Variants in PTPRN2 observed in about 807,000 individuals in gnomAD.
PTPRN2 encodes the protein receptor-type tyrosine-protein phosphatase N2.
A neutral mutation model predicts 118.8 loss-of-function variants in PTPRN2; 74 were observed. The observed-to-expected ratio is 0.62, with a 90% CI of 0.52 to 0.76. The LOEUF (loss-of-function observed/expected upper bound fraction) is 0.76. PTPRN2 is among the 30% of genes least tolerant of loss of function. The probability of loss-of-function intolerance (pLI) is 0.00; values close to 1 mark genes in which losing one functional copy is unlikely to be tolerated. For synonymous variants in PTPRN2, 641 were observed against 608.0 expected (o/e 1.05, Z -0.80); for missense variants, 1,481 against 1,394.4 (o/e 1.06, Z -0.99).
rs1021372037 is a variant in PTPRN2 at position 157,868,615 on chromosome 7, G to A, written c.1788+30058C>T. 2 of 152,220 alleles carry A rather than the reference G, an allele frequency of 1.3e-5. No individual in the cohort carries two copies. The highest frequency in any genetic ancestry group is 2.9e-5 in the Non-Finnish European group (2 of 68,046). 9.4% of individuals were successfully genotyped at this position (152,220 alleles called of 1,614,324 possible). ...AGGTGCAGCCCATTTCCCAGCCTGA[G>A]GACTGGCCGGGGAAATAACTCTGAG... On this transcript the variant is annotated intron_variant, in intron 12 of 22. Transcript: ENST00000389418. This position sits in a 1 kb window ranked among gnomAD's most constrained non-coding sequence, Gnocchi z 5.2.
At chr7:157,731,276 C>A (rs1436794373) in intron 12 of PTPRN2, among the ~76,000 whole-genome samples, 1 of 152,182 alleles carries the variant, frequency 6.6e-6, no homozygotes, top group Non-Finnish European at 1.5e-5. Context: ...TGAAGGTCTG[C>A]ACCAGGCAGA....
chr7:157,658,568 C>G (rs1056660778), intron 13 of PTPRN2, among the ~76,000 whole-genome samples: 1 of 152,222 alleles, frequency 6.6e-6, no homozygotes, highest in African/African-American at 2.4e-5. Flanking sequence ...AGGCAGGACA[C>G]GGCCACGCAG....
chr7:158,245,511 C>T (rs1307893198), intron 3 of PTPRN2, among the ~76,000 whole-genome samples: 1 of 151,938 alleles, frequency 6.6e-6, no homozygotes, highest in Non-Finnish European at 1.5e-5. Flanking sequence ...TGGCCTGAGT[C>T]AAACCAGGGG....
At chr7:157,685,191 C>T (rs1264907644) in intron 12 of PTPRN2, among the ~76,000 whole-genome samples, 1 of 151,890 alleles carries the variant, frequency 6.6e-6, no homozygotes, top group Admixed American at 6.6e-5. Flanking sequence ...CCCTCCCACC[C>T]CTCATCCCGG....
At position 158,167,154 on chromosome 7, in the gene PTPRN2, G is replaced by A. The variant is rs778919067; in HGVS notation, c.687C>T (p.Leu229=). The change falls in exon 6 of 23, where the codon CTC becomes CTT. Residue 229 remains leucine, a synonymous_variant. Transcript: ENST00000389418. The stretch of plus-strand genomic sequence containing the variant: ...CCACACCACTGTCCACCTTAGGGCT[G>A]AGCTCATCTGGCTGGAGCTGGCCGA... ...RTLGQLQPDE[L]SPKVDSGVDR... is the part of the protein sequence containing the mutation. 3.7e-6 allele frequency: 6 copies of A among 1,613,868 alleles called. No homozygotes were observed. The African/African-American group carries it at 5.3e-5, about 14-fold the overall frequency.
intron 17 of PTPRN2, among the ~76,000 whole-genome samples, chr7:157,582,457 C>G (rs754368854): frequency 4.6e-5 from 7 of 152,204 alleles, no homozygotes; most frequent in Non-Finnish European, 7.3e-5. Context: ...CGCACTGGCA[C>G]CTCGTGCCTG....
At chr7:157,555,184 C>T (rs769408068) in intron 21 of PTPRN2, among the ~76,000 whole-genome samples, 4 of 152,212 alleles carry the variant, frequency 2.6e-5, no homozygotes, top group Non-Finnish European at 4.4e-5. Flanking sequence ...AAATGTAAAT[C>T]GCTCTCATTG....
At chr7:157,837,249 G>A (rs1329137859) in intron 12 of PTPRN2, among the ~76,000 whole-genome samples, 9 of 125,428 alleles carry the variant, frequency 7.2e-5, no homozygotes, top group East Asian at 4.8e-4. Context: ...ACCCTTCCAT[G>A]TGTCCCTCCA....
chr7:157,663,883 C>G (rs1796012682), intron 13 of PTPRN2, among the ~76,000 whole-genome samples: 1 of 152,244 alleles, frequency 6.6e-6, no homozygotes, highest in South Asian at 2.1e-4. Context: ...AAACACACTT[C>G]TTACTAGAAT....
At chr7:158,114,296 G>C (rs1183074091) in intron 9 of PTPRN2, among the ~76,000 whole-genome samples, 1 of 152,182 alleles carries the variant, frequency 6.6e-6, no homozygotes, top group East Asian at 1.9e-4. Context: ...GGAGTCAGGA[G>C]GCCACAGGTC....
intron 12 of PTPRN2, among the ~76,000 whole-genome samples, chr7:157,687,967 A>G (rs1305592980): frequency 6.6e-6 from 1 of 152,232 alleles, no homozygotes; most frequent in Non-Finnish European, 1.5e-5. Context: ...TCTTTTCAGA[A>G]GCTATTATCA....
At chr7:158,350,848 A>G (rs751443643) in intron 2 of PTPRN2, among the ~76,000 whole-genome samples, 8 of 152,218 alleles carry the variant, frequency 5.3e-5, no homozygotes, top group Non-Finnish European at 1.0e-4. Context: ...TGCCAAAGGC[A>G]GAAAAAACCC....
At chr7:157,541,032 C>G (rs1006625173) in intron 22 of PTPRN2, among the ~76,000 whole-genome samples, 2 of 152,248 alleles carry the variant, frequency 1.3e-5, no homozygotes, top group Admixed American at 1.3e-4. Context: ...TTCTCTCGCA[C>G]TAGAAAAGCC....
chr7:158,488,818 C>T (rs939867240), intron 2 of PTPRN2, among the ~76,000 whole-genome samples: 1 of 152,276 alleles, frequency 6.6e-6, no homozygotes, highest in Non-Finnish European at 1.5e-5. Flanking sequence ...AAAGAGAAGG[C>T]CTCGCTCAGT....
chr7:157,568,291 C>T (rs188825457), intron 21 of PTPRN2, among the ~76,000 whole-genome samples: 36 of 152,086 alleles, frequency 2.4e-4, no homozygotes, highest in Non-Finnish European at 2.8e-4. Context: ...TCTCCCACCA[C>T]AGGCCTCAAG....
intron 12 of PTPRN2, among the ~76,000 whole-genome samples, chr7:157,884,556 G>A (rs905388218): frequency 5.9e-5 from 9 of 152,098 alleles, no homozygotes; most frequent in African/African-American, 1.9e-4. Flanking sequence ...AAATACATAC[G>A]GGAGACTGGG....
rs917475378 is a variant in PTPRN2, at chr7:158,014,484, C to T, written c.1723+66814G>A. The stretch of plus-strand genomic sequence containing the variant: ...CCATCCATCAAACAATTCACTTGTT[C>T]ATCCAGTCATCCATCCCTCCATCCA... On this transcript the variant is annotated intron_variant, in intron 11 of 22. Coordinates refer to ENST00000389418, the MANE Select transcript of PTPRN2 (RefSeq NM_002847.5). Among the ~76,000 whole-genome samples the T allele has an allele frequency of 4.6e-5, 7 of 151,880 alleles. 2 individuals are homozygous for T. The highest frequency in any genetic ancestry group is 4.6e-4 in the Admixed American group (7 of 15,266).
chr7:157,624,761 C>T (rs1014961134), intron 14 of PTPRN2, among the ~76,000 whole-genome samples: 4 of 152,134 alleles, frequency 2.6e-5, no homozygotes, highest in African/African-American at 7.2e-5. Flanking sequence ...TCTACTCAGA[C>T]GTCTTCTGGA....
chr7:157,898,792 C>T (rs1032976996), intron 11 of PTPRN2, 55 bp from the exon 12 acceptor site: 26 of 1,441,260 alleles, frequency 1.8e-5, no homozygotes, highest in African/African-American at 9.8e-5. Context: ...CCTCAGTCTC[C>T]GGGCACCTCT....
Sources: gnomAD v4.1 joint callset for allele counts (sites outside exome capture counted in the v4.1 genomes callset) on GRCh38, gnomAD v4.1.1 for gene constraint, Gnocchi (gnomAD v3.1) non-coding constraint, MANE v1.5 for transcripts, NCBI Gene and HGNC (gene_info 2026-07-23, HGNC 2026-07-21) for gene names.